ZNF674: variants seen among roughly 807,000 people sequenced by gnomAD.
The protein encoded by ZNF674 is zinc finger protein 674, also known as zinc finger family member 674.
Under a neutral mutation model 7.0 loss-of-function variants are expected in ZNF674, and 2 were observed. The ratio of observed to expected loss-of-function variants is 0.29; its 90% CI spans 0.12 to 0.90. The LOEUF (loss-of-function observed/expected upper bound fraction) is 0.90, where lower values mean the gene tolerates loss of function less well. Among genes scored for constraint, ZNF674 ranks in the 40% least tolerant of loss-of-function variants. The pLI is 0.57. For missense variants in ZNF674, 297 were observed against 415.5 expected, an observed-to-expected ratio of 0.71 and a Z score of 2.48; for synonymous variants, 103 against 145.2, an observed-to-expected ratio of 0.71 and a Z score of 2.09.
At chrX:46,538,178 T>C (rs1449716676) in intron 3 of ZNF674, among the ~76,000 whole-genome samples, 2 of 112,190 alleles carry the variant, frequency 1.8e-5, no homozygotes, top group Non-Finnish European at 3.8e-5. Flanking sequence ...TATTTAGGTC[T>C]ACAACCAATC....
chrX:46,517,703 A>T (rs1176342199), intron 5 of ZNF674: 1 of 111,988 alleles, frequency 8.9e-6, no homozygotes, highest in East Asian at 2.8e-4. Context: ...AGGAAAAGAA[A>T]TATCAATCCA....
intron 5 of ZNF674, among the ~76,000 whole-genome samples, chrX:46,519,276 TAGA>T (rs1941856663): frequency 1.2e-5 from 1 of 80,020 alleles, no homozygotes; most frequent in Non-Finnish European, 2.4e-5. Context: ...AGATAGATGA[TAGA>T]TAGATAGATA....
chrX:46,522,317 G>A (rs1025841839), intron 5 of ZNF674, among the ~76,000 whole-genome samples: 47 of 110,217 alleles, frequency 4.3e-4, no homozygotes, highest in African/African-American at 1.5e-3. Flanking sequence ...AATAATGGCA[G>A]TATTATCATT....
chrX:46,512,000 G>GTCTCTAAATAAATAAGTA (rs1941662930), intron 5 of ZNF674, among the ~76,000 whole-genome samples: 1 of 105,279 alleles, frequency 9.5e-6, no homozygotes, highest in African/African-American at 3.5e-5. Context: ...TCCAGCCTGG[G>GTCTCTAAATAAATAAGTA]CAACAAGAGT....
At chrX:46,508,036 C>A (rs1941573585) in intron 5 of ZNF674, among the ~76,000 whole-genome samples, 1 of 99,868 alleles carries the variant, frequency 1.0e-5, no homozygotes, top group African/African-American at 3.9e-5. Context: ...TCAGGCATGA[C>A]CTACGTTAAT....
At chrX:46,536,767 AAAAAGAAAAAAAT>A (rs1225253500) in intron 3 of ZNF674, among the ~76,000 whole-genome samples, 1 of 110,775 alleles carries the variant, frequency 9.0e-6, no homozygotes, top group Non-Finnish European at 1.9e-5. Flanking sequence ...AAAAAAAAGG[AAAAAGAAAAAAAT>A]AAAAGAAAAA....
rs201730674 is a variant in ZNF674, at chrX:46,535,735, A to AAT, written c.15+6336_15+6337dup. Among the ~76,000 whole-genome samples the AAT allele has an allele frequency of 3.5e-3, 393 of 112,063 alleles. 2 individuals carry two copies. The highest frequency in any genetic ancestry group is 0.027 in the Admixed American group (287 of 10,452). On this transcript the variant is annotated intron_variant, in intron 3 of 5. Coordinates refer to ENST00000683375, the MANE Select transcript of ZNF674 (RefSeq NM_001190417.2). ...GCATTTTTGGGAGGAATAATTGGTTAATATATATCAAATTTTACATTGCAA... is the reference window on the plus strand; with the variant it reads ...GCATTTTTGGGAGGAATAATTGGTTAATATATATATCAAATTTTACATTGCAA...
chrX:46,510,595 C>A (rs1000622363), intron 5 of ZNF674, among the ~76,000 whole-genome samples: 4 of 111,820 alleles, frequency 3.6e-5, no homozygotes, highest in African/African-American at 9.7e-5. Flanking sequence ...TCAAGACCAG[C>A]CTGGCCAACA....
At chrX:46,539,215 G>A (rs1942250698) in intron 3 of ZNF674, among the ~76,000 whole-genome samples, 1 of 112,110 alleles carries the variant, frequency 8.9e-6, no homozygotes, top group East Asian at 2.8e-4. Flanking sequence ...AATATGAAAA[G>A]ACACTAATTT....
chrX:46,515,568 A>G lies in ZNF674; in HGVS notation c.238+12782T>C, dbSNP rs748998906. ...TGATCTTATTATCTTGATTGTGGTG[A>G]TGTGATCCTGGGTATATACATGTCA... On this transcript the variant is annotated intron_variant, in intron 5 of 5. Coordinates refer to ENST00000683375, the MANE Select transcript of ZNF674 (RefSeq NM_001190417.2). 9.9e-5 allele frequency among the ~76,000 whole-genome samples: 11 copies of G among 111,253 alleles called. No individual in the cohort carries two copies. The South Asian group carries it at 2.3e-3, about 23-fold the overall frequency.
chrX:46,513,513 A>G (rs1704822048), intron 5 of ZNF674, among the ~76,000 whole-genome samples: 1 of 111,810 alleles, frequency 8.9e-6, no homozygotes, highest in Non-Finnish European at 1.9e-5. Flanking sequence ...AAGGTCATAG[A>G]GCTTTGCATT....
chrX:46,502,241 G>A (rs1941446416), intron 5 of ZNF674, among the ~76,000 whole-genome samples: 1 of 102,722 alleles, frequency 9.7e-6, no homozygotes, highest in Non-Finnish European at 1.9e-5. Flanking sequence ...GGGAGGCGGA[G>A]GTTGCAGTGA....
intron 5 of ZNF674, among the ~76,000 whole-genome samples, chrX:46,513,653 T>C (rs1448521979): frequency 8.9e-6 from 1 of 112,303 alleles, no homozygotes; most frequent in African/African-American, 3.2e-5. Flanking sequence ...TCTTTTTATT[T>C]CAAAGACTGG....
chrX:46,524,821 G>A lies in ZNF674; in HGVS notation c.238+3529C>T, dbSNP rs924420615. ...GGCCAGGAGTTCAAGACCAGTCTGG[G>A]CAACACAACAAGACCTCATCTTTAC... On this transcript the variant is annotated intron_variant, in intron 5 of 5. Transcript: ENST00000683375. 2.7e-5 allele frequency among the ~76,000 whole-genome samples: 3 copies of A among 111,010 alleles called. No individual in the cohort carries two copies. In the Admixed American group the frequency reaches 2.9e-4, roughly 11 times the overall value.
intron 2 of ZNF674, among the ~76,000 whole-genome samples, chrX:46,543,494 G>A (rs904220475): frequency 4.5e-5 from 5 of 111,456 alleles, no homozygotes; most frequent in Admixed American, 9.6e-5. Context: ...TCAAAGGGCC[G>A]CAGGGAAGGA....
At position 46,498,191 on chromosome X, in the gene ZNF674, AT is replaced by A. The variant is rs1941356022; in HGVS notation, c.*1651del. On this transcript the variant is annotated 3_prime_UTR_variant, in exon 6 of 6. Coordinates refer to ENST00000683375, the MANE Select transcript of ZNF674 (RefSeq NM_001190417.2). Reference sequence around the variant, plus strand: ...ATTTCACCTGACATACCAATTTTTAATCATCTATCATTGGATATTAAATTGT... The same window carrying A: ...ATTTCACCTGACATACCAATTTTTAACATCTATCATTGGATATTAAATTGT... The A allele has an allele frequency of 8.9e-6, 1 of 111,794 alleles. No individual in the cohort carries two copies. Among genetic ancestry groups the A allele is most frequent in the African/African-American group, 3.2e-5 (1 of 30,803 alleles). The allele number at this position is 111,794 out of a possible 1,213,427, so 9.2% of individuals were successfully genotyped here.
intron 3 of ZNF674, among the ~76,000 whole-genome samples, chrX:46,536,658 A>G (rs1569483265): frequency 1.8e-5 from 2 of 109,694 alleles, no homozygotes; most frequent in South Asian, 8.0e-4. Context: ...TCAGGAAGCT[A>G]AAGTGGAAGA....
At chrX:46,501,433 T>G in intron 5 of ZNF674, 98 bp from the exon 6 acceptor site, 3 of 835,987 alleles carry the variant, frequency 3.6e-6, no homozygotes, top group Non-Finnish European at 5.1e-6. Flanking sequence ...CCTATCAACA[T>G]GACTTGAGCT....
At chrX:46,537,423 T>C (rs1479800646) in intron 3 of ZNF674, among the ~76,000 whole-genome samples, 1 of 111,148 alleles carries the variant, frequency 9.0e-6, no homozygotes, top group Non-Finnish European at 1.9e-5. Context: ...AACAAAAAAA[T>C]TCTGAAAGGC....
Sources: gnomAD v4.1 joint callset for allele counts (sites outside exome capture counted in the v4.1 genomes callset) on GRCh38, gnomAD v4.1.1 for gene constraint, MANE v1.5 for transcripts, NCBI Gene and HGNC (gene_info 2026-07-23, HGNC 2026-07-21) for gene names.